THADA: variants seen among roughly 807,000 people sequenced by gnomAD.
THADA encodes THADA armadillo repeat containing.
THADA carries 213 observed loss-of-function variants against 219.8 expected under a neutral mutation model. The ratio of observed to expected loss-of-function variants is 0.97; its 90% CI spans 0.87 to 1.09. The LOEUF is 1.09. THADA is among the 50% of genes least tolerant of loss of function. The pLI is 0.00. For synonymous variants in THADA, 1,018 were observed against 828.9 expected, an observed-to-expected ratio of 1.23 and a Z score of -3.92; for missense variants, 2,956 against 2,311.3, an observed-to-expected ratio of 1.28 and a Z score of -5.72.
chr2:43,268,009 A>G (rs370505945), intron 36 of THADA, among the ~76,000 whole-genome samples: 1 of 152,212 alleles, frequency 6.6e-6, no homozygotes, highest in East Asian at 1.9e-4. Flanking sequence ...GAAGCAGGAG[A>G]GGGGGAAAGG....
chr2:43,515,332 TA>T (rs575099317), intron 22 of THADA, among the ~76,000 whole-genome samples: 856 of 29,808 alleles, frequency 0.029, 74 homozygotes, highest in Non-Finnish European at 0.04. Flanking sequence ...ATATAATATA[TA>T]ATATAATATA....
At chr2:43,453,813 G>A (rs1558785820) in intron 26 of THADA, among the ~76,000 whole-genome samples, 1 of 152,126 alleles carries the variant, frequency 6.6e-6, no homozygotes, top group Non-Finnish European at 1.5e-5. Flanking sequence ...ACCCAAAATC[G>A]TTTAAAGACT....
At chr2:43,401,826 C>T (rs1029742214) in intron 28 of THADA, among the ~76,000 whole-genome samples, 2 of 152,134 alleles carry the variant, frequency 1.3e-5, no homozygotes, top group African/African-American at 4.8e-5. Context: ...GGCTACCCAA[C>T]CTGTAGCTCA....
At chr2:43,423,482 G>T (rs1231300401) in intron 28 of THADA, among the ~76,000 whole-genome samples, 1 of 150,806 alleles carries the variant, frequency 6.6e-6, no homozygotes, top group Non-Finnish European at 1.5e-5. Flanking sequence ...ACTCAGGCTG[G>T]AGTGCAGTGG....
intron 31 of THADA, among the ~76,000 whole-genome samples, chr2:43,306,383 T>C (rs1453398604): frequency 1.3e-5 from 2 of 152,222 alleles, no homozygotes; most frequent in Non-Finnish European, 2.9e-5. Context: ...ACCATGACCC[T>C]GTTTAATTTA....
intron 29 of THADA, among the ~76,000 whole-genome samples, chr2:43,382,881 A>C (rs926185707): frequency 6.6e-6 from 1 of 152,188 alleles, no homozygotes; most frequent in African/African-American, 2.4e-5. Context: ...CTACCACATT[A>C]CTATACCACA....
In THADA at chr2:43,572,945, C is replaced by T; in HGVS notation, c.1777G>A (p.Ala593Thr). Residue 593 changes from alanine to threonine, a missense_variant, in exon 12 of 38, where the codon GCT becomes ACT. By Grantham distance (58) the Ala-to-Thr change is moderately conservative. Transcript: ENST00000405975. ...AGACATGCCATCAAAGCTCCCAGAG[C>T]CCCCCTGCTATTACAAGACCCTAAG... ...PSLGSCNSRG[A>T]LGALMACLRI... 6.2e-7 allele frequency: 1 copy of T among 1,613,836 alleles called. No individual in the cohort carries two copies. Among genetic ancestry groups the T allele is most frequent in the Non-Finnish European group, 8.5e-7 (1 of 1,179,838 alleles).
intron 9 of THADA, among the ~76,000 whole-genome samples, chr2:43,578,212 A>G (rs551328164): frequency 6.6e-6 from 1 of 151,230 alleles, no homozygotes; most frequent in Non-Finnish European, 1.5e-5. Flanking sequence ...GTGCAATCTT[A>G]TCTCACTGCA....
chr2:43,517,343 A>G (rs1691847841), intron 22 of THADA, among the ~76,000 whole-genome samples: 1 of 152,206 alleles, frequency 6.6e-6, no homozygotes. Context: ...AATATGAAGT[A>G]CATTTAAAGC....
intron 29 of THADA, among the ~76,000 whole-genome samples, chr2:43,346,033 C>G (rs2104543341): frequency 6.6e-6 from 1 of 152,112 alleles, no homozygotes; most frequent in South Asian, 2.1e-4. Context: ...GGTTATTCAC[C>G]AGGAATGGAG....
rs1248124819 is a variant in THADA, at chr2:43,293,143, G to A, written c.4509C>T (p.Phe1503=). The A allele has an allele frequency of 3.7e-6, 6 of 1,613,974 alleles. No homozygotes were observed. The East Asian group carries it at 8.9e-5, about 24-fold the overall frequency. ...IISGSELITG[F]PWAFKVPGLP... is the part of the protein sequence containing the mutation. ...GGCCTGGCACCTTGAAGGCCCAAGG[G>A]AATCCCGTTATCAGCTCTGATCCTG... The change falls in exon 32 of 38, where the codon TTC becomes TTT. Residue 1503 remains phenylalanine, a synonymous_variant. Coordinates refer to ENST00000405975, the MANE Select transcript of THADA (RefSeq NM_022065.5).
At chr2:43,232,386 G>A (rs1206492810) in intron 37 of THADA, among the ~76,000 whole-genome samples, 1 of 152,064 alleles carries the variant, frequency 6.6e-6, no homozygotes, top group Non-Finnish European at 1.5e-5. Context: ...CACCGTGTTA[G>A]CCAGGATGGT....
At chr2:43,426,235 G>GGAAAGGTACTTTCAGGTACCACT (rs1678405919) in intron 28 of THADA, among the ~76,000 whole-genome samples, 2 of 152,032 alleles carry the variant, frequency 1.3e-5, no homozygotes, top group African/African-American at 4.8e-5. Flanking sequence ...GCAACATTTT[G>GGAAAGGTACTTTCAGGTACCACT]GAAAGGTACT....
At chr2:43,571,609 G>A (rs779040054) in intron 13 of THADA, 98 bp downstream of exon 13, 2 of 1,213,920 alleles carry the variant, frequency 1.6e-6, no homozygotes, top group Non-Finnish European at 2.3e-6. Flanking sequence ...CCAATTCCAT[G>A]ACCATTCCCA....
At chr2:43,375,972 C>A (rs867386195) in intron 29 of THADA, among the ~76,000 whole-genome samples, 1 of 152,178 alleles carries the variant, frequency 6.6e-6, no homozygotes, top group Non-Finnish European at 1.5e-5. Context: ...ACACCACCCA[C>A]CTGCAAGCTG....
chr2:43,434,271 C>CA (rs952811050), intron 26 of THADA, among the ~76,000 whole-genome samples: 62 of 152,308 alleles, frequency 4.1e-4, no homozygotes, highest in Middle Eastern at 6.8e-3. Context: ...TCCACACAGA[C>CA]AAAATTACAA....
At chr2:43,439,979 A>C (rs908694694) in intron 26 of THADA, among the ~76,000 whole-genome samples, 11 of 152,228 alleles carry the variant, frequency 7.2e-5, no homozygotes, top group Middle Eastern at 3.2e-3. Flanking sequence ...TATTTATTGA[A>C]CATTTTATCC....
At chr2:43,544,415 G>C (rs975941004) in intron 20 of THADA, among the ~76,000 whole-genome samples, 1 of 152,154 alleles carries the variant, frequency 6.6e-6, no homozygotes, top group African/African-American at 2.4e-5. Context: ...TGTGAAGAAA[G>C]GCATTGGTAG....
At chr2:43,570,599 C>T in intron 13 of THADA, 89 bp from the exon 14 acceptor site, 2 of 1,385,646 alleles carry the variant, frequency 1.4e-6, no homozygotes, top group South Asian at 1.5e-5. Flanking sequence ...AATAAAACTT[C>T]AGGCAAGAAG....
Sources: allele counts gnomAD v4.1 joint callset (sites outside exome capture counted in the v4.1 genomes callset), GRCh38; gene constraint gnomAD v4.1.1; transcripts MANE v1.5; gene names NCBI Gene and HGNC (gene_info 2026-07-23, HGNC 2026-07-21).